The following LPP variants were observed in gnomAD, a reference collection of about 807,000 sequenced individuals.
The protein encoded by LPP is lipoma-preferred partner.
In LPP, 38 loss-of-function variants were observed where a neutral mutation model predicts 60.4. The observed-to-expected ratio is 0.63, with a 90% CI of 0.49 to 0.83. LPP has a LOEUF of 0.83. LPP is among the 40% of genes least tolerant of loss of function. The pLI is 0.00. For synonymous variants in LPP, 328 were observed against 290.8 expected (o/e 1.13, Z -1.30); for missense variants, 902 against 783.6 (o/e 1.15, Z -1.80).
chr3:188,443,239 A>G (rs1226353226), intron 4 of LPP, among the ~76,000 whole-genome samples: 1 of 152,224 alleles, frequency 6.6e-6, no homozygotes, highest in Non-Finnish European at 1.5e-5. Context: ...ACAATCTACA[A>G]CAACAAAAAT....
chr3:188,603,023 A>AAATAATAATAAT (rs57026715), intron 6 of LPP, among the ~76,000 whole-genome samples: 692 of 146,614 alleles, frequency 4.7e-3, no homozygotes, highest in South Asian at 0.011. Context: ...CTTGTGTTTG[A>AAATAATAATAAT]AATAATAATA....
chr3:188,693,592 A>G (rs1443406165), intron 7 of LPP, among the ~76,000 whole-genome samples: 2 of 152,172 alleles, frequency 1.3e-5, no homozygotes, highest in African/African-American at 2.4e-5. Flanking sequence ...ACTGAGGAGA[A>G]ACACTCTTTG....
intron 6 of LPP, among the ~76,000 whole-genome samples, chr3:188,566,239 C>A (rs771447385): frequency 6.6e-6 from 1 of 151,852 alleles, no homozygotes; most frequent in Non-Finnish European, 1.5e-5. Flanking sequence ...TCCTAATAAC[C>A]ATGTTAGAAT....
At chr3:188,492,683 C>G (rs992575099) in intron 5 of LPP, among the ~76,000 whole-genome samples, 11 of 151,898 alleles carry the variant, frequency 7.2e-5, no homozygotes, top group Non-Finnish European at 1.3e-4. Context: ...GTGACAAAAG[C>G]GAAACTCCGT....
chr3:188,482,275 A>G (rs748590420), intron 4 of LPP, among the ~76,000 whole-genome samples: 3 of 152,198 alleles, frequency 2.0e-5, no homozygotes, highest in Non-Finnish European at 4.4e-5. Context: ...AGTTATTTAT[A>G]GCAGTGAGAG....
chr3:188,795,587 T>C (rs775960006), intron 9 of LPP, among the ~76,000 whole-genome samples: 25 of 152,188 alleles, frequency 1.6e-4, no homozygotes, highest in Non-Finnish European at 3.1e-4. Context: ...GCTCATTCAC[T>C]TTCACACAGT....
In LPP at chr3:188,366,697, G is replaced by A. The variant is rs563994873; in HGVS notation, c.-10+24978G>A. 2.6e-5 allele frequency among the ~76,000 whole-genome samples: 4 copies of A among 152,248 alleles called. No homozygotes were observed. The South Asian group carries it at 8.3e-4, about 32-fold the overall frequency. On this transcript the variant is annotated intron_variant, in intron 3 of 11. Transcript: ENST00000617246. ...GAATTGTCTTCAGAGATAATGAAGA[G>A]CCACTGCTAAAATCACAGACTCATG... is the stretch of plus-strand genomic sequence containing the variant.
At chr3:188,725,104 C>T (rs1326638588) in intron 8 of LPP, among the ~76,000 whole-genome samples, 1 of 152,206 alleles carries the variant, frequency 6.6e-6, no homozygotes, top group East Asian at 1.9e-4. Flanking sequence ...TTAGTTCCCA[C>T]TCCTAATTTT....
intron 7 of LPP, among the ~76,000 whole-genome samples, chr3:188,684,996 T>A (rs1203178104): frequency 6.6e-6 from 1 of 152,244 alleles, no homozygotes; most frequent in Non-Finnish European, 1.5e-5. Context: ...TACTTATATG[T>A]CAAGCACTGT....
At chr3:188,689,743 C>T (rs16863526) in intron 7 of LPP, among the ~76,000 whole-genome samples, 17,418 of 152,086 alleles carry the variant, frequency 0.11, 1,335 homozygotes, top group East Asian at 0.45. Flanking sequence ...CACAAGTGAG[C>T]GGAGGAATGG....
chr3:188,844,372 CA>C (rs1209605801), intron 9 of LPP, among the ~76,000 whole-genome samples: 1 of 152,186 alleles, frequency 6.6e-6, no homozygotes, highest in Non-Finnish European at 1.5e-5. Context: ...CTCCTCTTTA[CA>C]ATACATAGAG....
Position 188,403,115 on chromosome 3 carries a change from C to A in LPP, c.-9-2997C>A, listed in dbSNP as rs901739964. Among the ~76,000 whole-genome samples, 9 of 152,076 alleles carry A rather than the reference C, an allele frequency of 5.9e-5. 1 individual carries two copies. The South Asian group carries it at 1.9e-3, about 32-fold the overall frequency. ...AACAAATGATTGGTCAGAAGATGGG[C>A]CTCTCAGGAGGAGCAGCTGGAGGTG... is the stretch of plus-strand genomic sequence containing the variant. On this transcript the variant is annotated intron_variant, in intron 3 of 11. Coordinates refer to ENST00000617246, the MANE Select transcript of LPP (RefSeq NM_001375462.1).
rs76413986 is a variant in LPP at position 188,732,020 on chromosome 3, A to G, written c.1240+23627A>G. Among the ~76,000 whole-genome samples the G allele has an allele frequency of 8.1e-4, 124 of 152,362 alleles. 2 individuals carry two copies. The East Asian group carries it at 0.014, about 17-fold the overall frequency. ...AGTATACGCATAAAGAAAAGAGGCC[A>G]GGAGGAAAAGCTGTTCACCCCGACT... On this transcript the variant is annotated intron_variant, in intron 8 of 11. Coordinates refer to ENST00000617246, the MANE Select transcript of LPP (RefSeq NM_001375462.1).
intron 8 of LPP, among the ~76,000 whole-genome samples, chr3:188,754,085 G>A: frequency 6.6e-6 from 1 of 152,280 alleles, no homozygotes; most frequent in East Asian, 1.9e-4. Flanking sequence ...TGTGATATGT[G>A]ATATCTTACT....
At chr3:188,756,123 G>A (rs539652113) in intron 8 of LPP, among the ~76,000 whole-genome samples, 216 of 152,270 alleles carry the variant, frequency 1.4e-3, no homozygotes, top group African/African-American at 5.1e-3. Flanking sequence ...GGCATGTGGT[G>A]GAAAGCAGGC....
chr3:188,307,625 G>T (rs1751953444), intron 2 of LPP, among the ~76,000 whole-genome samples: 1 of 152,160 alleles, frequency 6.6e-6, no homozygotes, highest in Non-Finnish European at 1.5e-5. Flanking sequence ...TTTTTAAGTT[G>T]TTTGTTGTAT....
At chr3:188,181,515 T>G (rs1207446243) in intron 1 of LPP, among the ~76,000 whole-genome samples, 2 of 152,194 alleles carry the variant, frequency 1.3e-5, no homozygotes, top group Non-Finnish European at 2.9e-5. Context: ...ATTTTAGGCC[T>G]TGCAGGCCAT....
At chr3:188,669,950 G>T (rs1012478731) in intron 7 of LPP, among the ~76,000 whole-genome samples, 1 of 152,326 alleles carries the variant, frequency 6.6e-6, no homozygotes, top group East Asian at 1.9e-4. Context: ...CATGTCCTTT[G>T]TAGCGACATG....
intron 7 of LPP, among the ~76,000 whole-genome samples, chr3:188,633,896 C>T (rs1319114943): frequency 2.0e-5 from 3 of 152,160 alleles, no homozygotes; most frequent in Non-Finnish European, 4.4e-5. Context: ...GGCTTTTAAC[C>T]TTCTGATCTC....
Sources: allele counts gnomAD v4.1 joint callset (sites outside exome capture counted in the v4.1 genomes callset), GRCh38; gene constraint gnomAD v4.1.1; transcripts MANE v1.5; gene names NCBI Gene and HGNC (gene_info 2026-07-23, HGNC 2026-07-21).